Variants in ABCC4 observed in about 807,000 individuals in gnomAD.
ABCC4 encodes the protein ATP-binding cassette sub-family C member 4.
A neutral mutation model predicts 168.5 loss-of-function variants in ABCC4; 102 were observed. The ratio of observed to expected loss-of-function variants is 0.61; its 90% CI spans 0.52 to 0.71. The LOEUF (loss-of-function observed/expected upper bound fraction) is 0.71. Ranked by LOEUF, ABCC4 falls within the 30% of genes least tolerant of loss-of-function variation. ABCC4 has a pLI of 0.00. For missense variants in ABCC4, 1,402 were observed against 1,605.8 expected, an observed-to-expected ratio of 0.87 and a Z score of 2.17; for synonymous variants, 617 against 590.7, an observed-to-expected ratio of 1.04 and a Z score of -0.65.
At chr13:95,168,325 T>A (rs185713343) in intron 14 of ABCC4, among the ~76,000 whole-genome samples, 186 of 151,858 alleles carry the variant, frequency 1.2e-3, no homozygotes, top group Non-Finnish European at 1.6e-3. Flanking sequence ...CCTGGGGGAG[T>A]GGGGAAGAGC....
chr13:95,300,088 C>A (rs557660133), intron 1 of ABCC4, among the ~76,000 whole-genome samples: 1 of 152,352 alleles, frequency 6.6e-6, no homozygotes, highest in African/African-American at 2.4e-5. Context: ...GATCCACCCA[C>A]CTCTGCCTCC....
intron 19 of ABCC4, among the ~76,000 whole-genome samples, chr13:95,136,762 G>A (rs184364522): frequency 2.0e-5 from 3 of 152,330 alleles, no homozygotes; most frequent in African/African-American, 7.2e-5. Flanking sequence ...GGAAGGACGG[G>A]GTGGAGAATC....
intron 3 of ABCC4, among the ~76,000 whole-genome samples, chr13:95,236,531 C>G (rs552877915): frequency 1.3e-5 from 2 of 152,258 alleles, no homozygotes; most frequent in South Asian, 4.1e-4. Context: ...AGAAGACATT[C>G]CCATCCCTCA....
chr13:95,281,327 G>C (rs947500415), intron 1 of ABCC4, among the ~76,000 whole-genome samples: 1 of 146,152 alleles, frequency 6.8e-6, no homozygotes, highest in Non-Finnish European at 1.5e-5. Context: ...AAAAAAAAGA[G>C]AGAGAGAAAG....
chr13:95,150,878 TC>T (rs2036651490), intron 19 of ABCC4, among the ~76,000 whole-genome samples: 1 of 152,192 alleles, frequency 6.6e-6, no homozygotes, highest in Non-Finnish European at 1.5e-5. Context: ...TTGTTGTGAG[TC>T]CACTTGAAGC....
chr13:95,189,759 G>GT (rs963509639), intron 9 of ABCC4, among the ~76,000 whole-genome samples: 11 of 152,242 alleles, frequency 7.2e-5, no homozygotes, highest in African/African-American at 2.6e-4. Context: ...GAAATTAAGT[G>GT]TATGTTCATA....
At chr13:95,190,961 C>A (rs539506954) in intron 9 of ABCC4, among the ~76,000 whole-genome samples, 2 of 152,340 alleles carry the variant, frequency 1.3e-5, no homozygotes, top group African/African-American at 4.8e-5. Context: ...AAAGGCAATG[C>A]AGCCTCCTCA....
intron 3 of ABCC4, among the ~76,000 whole-genome samples, chr13:95,244,861 T>C (rs1485296131): frequency 1.3e-5 from 2 of 150,074 alleles, no homozygotes; most frequent in African/African-American, 5.0e-5. Flanking sequence ...TGCCAGGTCC[T>C]CCACTCCCTA....
chr13:95,166,132 C>T, intron 15 of ABCC4, 26 bp downstream of exon 15: 1 of 1,590,160 alleles, frequency 6.3e-7, no homozygotes, highest in Non-Finnish European at 8.6e-7. Context: ...AAAACCAGGC[C>T]ATGTTGTAAC....
intron 3 of ABCC4, 94 bp downstream of exon 3, chr13:95,246,864 ATCTGGCCACTTCTCCCT>A: frequency 7.8e-7 from 1 of 1,282,010 alleles, no homozygotes. Context: ...TTCAAACCCC[ATCTGGCCACTTCTCCCT>A]TCTGTTCCCC....
chr13:95,029,204 A>ATC (rs1566355458), intron 30 of ABCC4, among the ~76,000 whole-genome samples: 19 of 66,312 alleles, frequency 2.9e-4, no homozygotes, highest in Admixed American at 1.3e-3. Context: ...ATATATATAT[A>ATC]TATATATATA....
chr13:95,294,178 C>G (rs1331368987), intron 1 of ABCC4, among the ~76,000 whole-genome samples: 1 of 151,890 alleles, frequency 6.6e-6, no homozygotes, highest in Non-Finnish European at 1.5e-5. Context: ...CCCTTCTCTA[C>G]TAAAAATACA....
intron 20 of ABCC4, among the ~76,000 whole-genome samples, chr13:95,102,847 C>G (rs996108087): frequency 1.8e-4 from 27 of 151,224 alleles, no homozygotes; most frequent in African/African-American, 6.3e-4. Flanking sequence ...TCTCAAACTC[C>G]TGACCTCAAG....
chr13:95,218,163 T>C (rs940794596), intron 4 of ABCC4, among the ~76,000 whole-genome samples: 1 of 152,230 alleles, frequency 6.6e-6, no homozygotes, highest in Non-Finnish European at 1.5e-5. Flanking sequence ...TTAAACTGGG[T>C]ATTTCTGCAA....
intron 25 of ABCC4, among the ~76,000 whole-genome samples, chr13:95,066,006 C>A (rs1233318386): frequency 6.6e-6 from 1 of 152,182 alleles, no homozygotes; most frequent in Non-Finnish European, 1.5e-5. Context: ...ACCTCCTCTA[C>A]AAAACAGTCC....
chr13:95,212,261 G>A (rs925147211), intron 4 of ABCC4, among the ~76,000 whole-genome samples: 6 of 151,974 alleles, frequency 3.9e-5, no homozygotes, highest in Admixed American at 1.3e-4. Flanking sequence ...AGGAGTGAGG[G>A]AGAAGAAAGG....
chr13:95,236,680 C>T (rs1331496486), intron 3 of ABCC4, among the ~76,000 whole-genome samples: 2 of 152,126 alleles, frequency 1.3e-5, no homozygotes, highest in Non-Finnish European at 2.9e-5. Flanking sequence ...AAGTTTTCCC[C>T]TATGATACAG....
At chr13:95,154,225 G>C (rs775379258) in intron 19 of ABCC4, among the ~76,000 whole-genome samples, 3 of 152,150 alleles carry the variant, frequency 2.0e-5, no homozygotes, top group Non-Finnish European at 4.4e-5. Context: ...AGCTTTTCTG[G>C]TGATGACTAA....
Position 95,247,674 on chromosome 13 carries a change from G to A in ABCC4, c.154C>T (p.Arg52Cys), listed in dbSNP as rs577370049. 3.6e-5 allele frequency: 58 copies of A among 1,613,908 alleles called. No individual in the cohort carries two copies. Among genetic ancestry groups the A allele is most frequent in the East Asian group, 1.3e-4 (6 of 44,860 alleles). The change falls in exon 2 of 31, where the codon CGC (arginine) becomes TGC (cysteine). Residue 52 changes from arginine to cysteine, a missense_variant. Physicochemically the swap from Arg to Cys is radical, Grantham distance 180. This residue lies in a region of ABCC4 where 317 missense variants were observed against 345.5 expected (regional missense o/e 0.92). Transcript: ENST00000645237. ...DDMYSVLPED[R>C]SQHLGEELQG... ...AACTCCTCTCCAAGGTGCTGTGAGC[G>A]GTCTTCTGGCAGCACTGAATACATA... is the stretch of plus-strand genomic sequence containing the variant.
Sources: allele counts gnomAD v4.1 joint callset (sites outside exome capture counted in the v4.1 genomes callset), GRCh38; gene constraint gnomAD v4.1.1; regional missense constraint gnomAD v4.1.1; transcripts MANE v1.5; gene names NCBI Gene and HGNC (gene_info 2026-07-23, HGNC 2026-07-21).